The following XPOT variants were observed in gnomAD, a reference collection of about 807,000 sequenced individuals.
The protein encoded by XPOT is exportin for tRNA, also known as exportin-T.
Under a neutral mutation model 128.2 loss-of-function variants are expected in XPOT, and 34 were observed. That is an observed-to-expected ratio of 0.27 (90% CI 0.20 to 0.35). The LOEUF is 0.35. Ranked by LOEUF, XPOT falls within the 10% of genes least tolerant of loss-of-function variation. The pLI is 1.00. For synonymous variants in XPOT, 348 were observed against 394.3 expected, an observed-to-expected ratio of 0.88 and a Z score of 1.39; for missense variants, 838 against 1,125.3, an observed-to-expected ratio of 0.74 and a Z score of 3.65.
At chr12:64,419,938 G>T in intron 6 of XPOT, 132 bp from the exon 7 acceptor site, 1 of 705,660 alleles carries the variant, frequency 1.4e-6, no homozygotes. Context: ...TATGATCTTA[G>T]AGCTGGTAAA....
At chr12:64,424,490 A>G (rs1209906963) in intron 11 of XPOT, 109 bp from the exon 12 acceptor site, 19 of 1,076,062 alleles carry the variant, frequency 1.8e-5, no homozygotes, top group Admixed American at 2.6e-5. Context: ...TTTGGGGTAC[A>G]TGTGCAGAAC....
chr12:64,439,520 A>G (rs2040308263), intron 23 of XPOT, among the ~76,000 whole-genome samples: 1 of 152,264 alleles, frequency 6.6e-6, no homozygotes, highest in South Asian at 2.1e-4. Context: ...CAACAAGTTA[A>G]TAAGTCCTTA....
At chr12:64,408,709 T>C (rs2040006445) in intron 1 of XPOT, among the ~76,000 whole-genome samples, 1 of 152,132 alleles carries the variant, frequency 6.6e-6, no homozygotes, top group Non-Finnish European at 1.5e-5. Flanking sequence ...AATCTCACTC[T>C]GTTCTCCAGG....
At chr12:64,409,377 T>C in intron 1 of XPOT, among the ~76,000 whole-genome samples, 1 of 147,770 alleles carries the variant, frequency 6.8e-6, no homozygotes, top group East Asian at 2.2e-4. Flanking sequence ...AAATGATTAC[T>C]TTCTATACCT....
chr12:64,433,074 G>A (rs1229699945), intron 18 of XPOT, among the ~76,000 whole-genome samples: 1 of 152,042 alleles, frequency 6.6e-6, no homozygotes, highest in Non-Finnish European at 1.5e-5. Flanking sequence ...TGAGTAGCTT[G>A]GACTGGGACT....
Position 64,434,826 on chromosome 12 carries a change from T to G in XPOT, c.2602T>G (p.Phe868Val). The change falls in exon 21 of 25, where the codon TTT (phenylalanine) becomes GTT (valine). Residue 868 changes from phenylalanine to valine, a missense_variant. This residue lies in a region of XPOT where 21 missense variants were observed against 57.8 expected (regional missense o/e 0.36). Coordinates refer to ENST00000332707, the MANE Select transcript of XPOT (RefSeq NM_007235.6). Reference protein sequence around the residue: ...GKDGPVGFADFVYKHIVPACF... With the variant: ...GKDGPVGFADVVYKHIVPACF... The stretch of plus-strand genomic sequence containing the variant: ...AGATGGACCAGTGGGATTTGCTGAT[T>G]TTGTTTATAAGCACATTGTCCCCGC... The G allele has an allele frequency of 6.2e-7, 1 of 1,612,182 alleles. No individual in the cohort carries two copies. The highest frequency in any genetic ancestry group is 8.5e-7 in the Non-Finnish European group (1 of 1,179,972).
chr12:64,420,181 G>A lies in XPOT; in HGVS notation c.601G>A (p.Val201Met). The A allele has an allele frequency of 6.2e-7, 1 of 1,612,970 alleles. No individual in the cohort carries two copies. The highest frequency in any genetic ancestry group is 1.1e-5 in the South Asian group (1 of 90,792). ...LQNYQFTNSE[V>M]TCQCLEVVGA... ...AAATTATCAGTTTACTAATTCTGAAGTGACGTGTCAGTGCCTTGAAGTAGT... is the reference window on the plus strand; with the variant it reads ...AAATTATCAGTTTACTAATTCTGAAATGACGTGTCAGTGCCTTGAAGTAGT... Residue 201 changes from valine (V) to methionine (M), a missense_variant, in exon 7 of 25, where the codon GTG (valine) becomes ATG (methionine). Val to Met is a conservative substitution (Grantham distance 21, BLOSUM62 1). Transcript: ENST00000332707.
chr12:64,422,986 A>T lies in XPOT; in HGVS notation c.1081-19A>T. On this transcript the variant is annotated intron_variant, in intron 9 of 24. Transcript: ENST00000332707. Reference sequence around the variant, plus strand: ...ATAACTTTAGAAAACCTAATAAGTTATTGCTTCCTTTTTAACAGCTTACAG... The same window carrying T: ...ATAACTTTAGAAAACCTAATAAGTTTTTGCTTCCTTTTTAACAGCTTACAG... The T allele has an allele frequency of 6.2e-7, 1 of 1,610,972 alleles. No homozygotes were observed. The highest frequency in any genetic ancestry group is 8.5e-7 in the Non-Finnish European group (1 of 1,179,392).
intron 4 of XPOT, among the ~76,000 whole-genome samples, chr12:64,417,529 CAA>C (rs55993660): frequency 4.0e-4 from 43 of 107,040 alleles, no homozygotes; most frequent in Admixed American, 8.1e-4. Context: ...GACCTTGTCT[CAA>C]AAAAAAAAAA....
intron 23 of XPOT, among the ~76,000 whole-genome samples, chr12:64,444,272 G>A (rs2040350614): frequency 6.6e-6 from 1 of 152,144 alleles, no homozygotes; most frequent in African/African-American, 2.4e-5. Context: ...ACCTTGTCTA[G>A]GAGAGCTATG....
At chr12:64,410,504 T>C (rs1039253037) in intron 2 of XPOT, among the ~76,000 whole-genome samples, 4 of 152,174 alleles carry the variant, frequency 2.6e-5, no homozygotes, top group Non-Finnish European at 5.9e-5. Context: ...AATTTTTTTC[T>C]AGAGATAGGG....
In XPOT at chr12:64,442,225, A is replaced by G. The variant is rs535578471; in HGVS notation, c.2806-2850A>G. On this transcript the variant is annotated intron_variant, in intron 23 of 24. Coordinates refer to ENST00000332707, the MANE Select transcript of XPOT (RefSeq NM_007235.6). ...AACCTCCACCTCCCGGGTTCAAGCA[A>G]TTCTCCGGGTTCAAGCAGTTCTCCG... 5.9e-4 allele frequency among the ~76,000 whole-genome samples: 90 copies of G among 152,056 alleles called. No individual in the cohort carries two copies. The South Asian group carries it at 0.017, about 29-fold the overall frequency.
At chr12:64,446,715 C>G (rs2040370068) in intron 24 of XPOT, among the ~76,000 whole-genome samples, 1 of 151,466 alleles carries the variant, frequency 6.6e-6, no homozygotes, top group South Asian at 2.1e-4. Flanking sequence ...CTTCAAAAAT[C>G]CTGCCTTACT....
chr12:64,411,723 T>G (rs1428229390), intron 2 of XPOT, among the ~76,000 whole-genome samples: 1 of 152,112 alleles, frequency 6.6e-6, no homozygotes, highest in Non-Finnish European at 1.5e-5. Flanking sequence ...TTAATTCAGT[T>G]TGGTGGTGAG....
chr12:64,424,063 G>T (rs1295427255), intron 11 of XPOT, among the ~76,000 whole-genome samples: 3 of 152,074 alleles, frequency 2.0e-5, no homozygotes, highest in Non-Finnish European at 2.9e-5. Flanking sequence ...AAAAACTTAG[G>T]GTTGTAAAAG....
At chr12:64,427,175 A>G (rs1442727715) in intron 15 of XPOT, among the ~76,000 whole-genome samples, 1 of 148,142 alleles carries the variant, frequency 6.8e-6, no homozygotes, top group East Asian at 2.0e-4. Flanking sequence ...GCTGGAGTAC[A>G]ATGGCATGAT....
chr12:64,421,936 C>T (rs749746179), intron 9 of XPOT, among the ~76,000 whole-genome samples: 49 of 152,172 alleles, frequency 3.2e-4, no homozygotes, highest in Non-Finnish European at 4.9e-4. Flanking sequence ...CCTCAACCTC[C>T]CAAGTACCTG....
intron 10 of XPOT, 54 bp from the exon 11 acceptor site, chr12:64,423,128 A>G: frequency 1.3e-6 from 2 of 1,592,662 alleles, no homozygotes; most frequent in Admixed American, 1.7e-5. Flanking sequence ...TTCAAATTAT[A>G]TCAAATTAGA....
rs2040126860 is a variant in XPOT, at chr12:64,420,343, C to A, written c.675-10C>A. Reference sequence around the variant, plus strand: ...TTGAAAATGTTACAATTTTATTGTCCCATTACCAGGTTTATAAATATGCTG... The same window carrying A: ...TTGAAAATGTTACAATTTTATTGTCACATTACCAGGTTTATAAATATGCTG... On this transcript the variant is annotated splice_polypyrimidine_tract_variant and intron_variant, in intron 7 of 24. Transcript: ENST00000332707. 6.2e-7 allele frequency: 1 copy of A among 1,607,662 alleles called. No individual in the cohort carries two copies. The highest frequency in any genetic ancestry group is 1.3e-5 in the African/African-American group (1 of 74,530).
Sources: gnomAD v4.1 joint callset for allele counts (sites outside exome capture counted in the v4.1 genomes callset) on GRCh38, gnomAD v4.1.1 for gene constraint, gnomAD v4.1.1 regional missense constraint, MANE v1.5 for transcripts, NCBI Gene and HGNC (gene_info 2026-07-23, HGNC 2026-07-21) for gene names.